LAMA2: variants seen among roughly 807,000 people sequenced by gnomAD.
The protein encoded by LAMA2 is laminin subunit alpha-2.
In LAMA2, 269 loss-of-function variants were observed where a neutral mutation model predicts 364.8. The ratio of observed to expected loss-of-function variants is 0.74; its 90% CI spans 0.67 to 0.82. LAMA2 has a LOEUF of 0.82. LAMA2 is among the 40% of genes least tolerant of loss of function. The probability of loss-of-function intolerance (pLI) is 0.00; values close to 1 mark genes in which losing one functional copy is unlikely to be tolerated. For synonymous variants in LAMA2, 1,379 were observed against 1,370.6 expected (o/e 1.01, Z -0.14); for missense variants, 3,807 against 3,873.2 (o/e 0.98, Z 0.45).
rs1562275875 is a variant in LAMA2, at chr6:129,147,003, C to T, written c.864C>T (p.Ile288=). ...ATATTTCAGTTGGAGGGATGTGCAT[C>T]TGCTATGGTCATGCCAGGGCTTGTC... The part of the protein sequence containing the change: ...VKDISVGGMC[I]CYGHARACPL... Residue 288 remains isoleucine (I), a synonymous_variant, in exon 6 of 65, where the codon ATC becomes ATT. Coordinates refer to ENST00000421865, the MANE Select transcript of LAMA2 (RefSeq NM_000426.4). 6.2e-7 allele frequency: 1 copy of T among 1,612,196 alleles called. No homozygotes were observed. Among genetic ancestry groups the T allele is most frequent in the Non-Finnish European group, 8.5e-7 (1 of 1,178,434 alleles).
At chr6:129,379,915 G>C (rs1227490766) in intron 34 of LAMA2, among the ~76,000 whole-genome samples, 2 of 152,118 alleles carry the variant, frequency 1.3e-5, no homozygotes, top group Non-Finnish European at 2.9e-5. Flanking sequence ...AGGGATCATT[G>C]GTTTGATTGT....
chr6:128,965,850 C>T (rs1331910570), intron 1 of LAMA2, among the ~76,000 whole-genome samples: 4 of 151,758 alleles, frequency 2.6e-5, no homozygotes, highest in Non-Finnish European at 5.9e-5. Context: ...TCTTTTATTC[C>T]AGTTTTCCTT....
chr6:128,996,642 A>T (rs1454816560), intron 1 of LAMA2, among the ~76,000 whole-genome samples: 1 of 152,232 alleles, frequency 6.6e-6, no homozygotes, highest in Non-Finnish European at 1.5e-5. Context: ...GCTGGAGAGG[A>T]TGTGGAGAAA....
rs538535755 is a variant in LAMA2, at chr6:129,093,533, C to T, written c.397-4640C>T. On this transcript the variant is annotated intron_variant, in intron 3 of 64. Transcript: ENST00000421865. ...AGCCATGATGTTCAAGATTGGAAAG[C>T]ATAACTCTATGTGATGATCATTGTC... Among the ~76,000 whole-genome samples, 29 of 152,204 alleles carry T rather than the reference C, an allele frequency of 1.9e-4. No homozygotes were observed. In the South Asian group the frequency reaches 5.4e-3, roughly 28 times the overall value.
At chr6:128,962,184 A>G (rs1445570498) in intron 1 of LAMA2, among the ~76,000 whole-genome samples, 1 of 132,408 alleles carries the variant, frequency 7.6e-6, no homozygotes, top group East Asian at 2.2e-4. Context: ...ATATATATAT[A>G]TACACACATA....
intron 23 of LAMA2, among the ~76,000 whole-genome samples, chr6:129,313,637 G>A (rs1774371744): frequency 1.3e-5 from 2 of 152,148 alleles, no homozygotes; most frequent in African/African-American, 2.4e-5. Context: ...AAATGATGTA[G>A]AAAAAGAGCC....
chr6:129,403,075 T>C (rs374643020), intron 39 of LAMA2, among the ~76,000 whole-genome samples: 83 of 152,330 alleles, frequency 5.4e-4, no homozygotes, highest in African/African-American at 1.9e-3. Context: ...GCCTTCTGTG[T>C]ATAACTGATA....
chr6:129,365,702 A>G (rs1247131186), intron 32 of LAMA2, among the ~76,000 whole-genome samples: 2 of 151,422 alleles, frequency 1.3e-5, no homozygotes, highest in Admixed American at 6.6e-5. Context: ...TCTACTCAAT[A>G]GATACCAAGC....
rs9372912 is a variant in LAMA2, at chr6:128,994,147, C to T, written c.113-55771C>T. Reference sequence around the variant, plus strand: ...CAAAAGGATGGATTAGGAATCTTTGCGGAATTATTACAGACCTGTAGTTTT... The same window carrying T: ...CAAAAGGATGGATTAGGAATCTTTGTGGAATTATTACAGACCTGTAGTTTT... On this transcript the variant is annotated intron_variant, in intron 1 of 64. Transcript: ENST00000421865. Among the ~76,000 whole-genome samples, 163 of 152,228 alleles carry T rather than the reference C, an allele frequency of 1.1e-3. 3 individuals carry two copies. The East Asian group carries it at 0.026, about 24-fold the overall frequency.
At chr6:128,982,488 T>C (rs1265266697) in intron 1 of LAMA2, among the ~76,000 whole-genome samples, 1 of 152,210 alleles carries the variant, frequency 6.6e-6, no homozygotes, top group Non-Finnish European at 1.5e-5. Context: ...AATATGCCAA[T>C]AGGTAGAATG....
At chr6:129,317,753 G>T (rs1324415700) in intron 27 of LAMA2, among the ~76,000 whole-genome samples, 1 of 152,112 alleles carries the variant, frequency 6.6e-6, no homozygotes, top group African/African-American at 2.4e-5. Flanking sequence ...TTTTGCAAAT[G>T]GTTCTGTACT....
chr6:129,168,333 A>T (rs1469810755), intron 9 of LAMA2, among the ~76,000 whole-genome samples: 1 of 150,990 alleles, frequency 6.6e-6, no homozygotes, highest in East Asian at 1.9e-4. Context: ...TCTTGAATTG[A>T]TTTTTGTATA....
intron 55 of LAMA2, among the ~76,000 whole-genome samples, chr6:129,482,719 G>T (rs1784406125): frequency 6.6e-6 from 1 of 152,082 alleles, no homozygotes; most frequent in Non-Finnish European, 1.5e-5. Flanking sequence ...GTATAACCAC[G>T]AGTAACTTGG....
chr6:129,196,544 T>G lies in LAMA2; in HGVS notation c.1782+3691T>G, dbSNP rs138573751. 1.2e-4 allele frequency among the ~76,000 whole-genome samples: 19 copies of G among 152,278 alleles called. No individual in the cohort carries two copies. In the East Asian group the frequency reaches 3.7e-3, roughly 29 times the overall value. ...CTTGCTTTACAAAATAATTAAAAACTCGCTAACAAATATGTTCCACTCTCC... is the reference window on the plus strand; with the variant it reads ...CTTGCTTTACAAAATAATTAAAAACGCGCTAACAAATATGTTCCACTCTCC... On this transcript the variant is annotated intron_variant, in intron 12 of 64. Coordinates refer to ENST00000421865, the MANE Select transcript of LAMA2 (RefSeq NM_000426.4).
At chr6:129,107,162 T>C (rs1775879632) in intron 4 of LAMA2, among the ~76,000 whole-genome samples, 1 of 152,136 alleles carries the variant, frequency 6.6e-6, no homozygotes, top group Non-Finnish European at 1.5e-5. Flanking sequence ...GATTTGGCTT[T>C]CAGGTAGCTC....
chr6:129,370,471 A>G (rs967374256), intron 34 of LAMA2, among the ~76,000 whole-genome samples: 4 of 152,252 alleles, frequency 2.6e-5, no homozygotes, highest in Non-Finnish European at 4.4e-5. Context: ...TTTTAAAGTC[A>G]GAATGTAAAG....
chr6:129,193,895 G>A (rs1312764303), intron 12 of LAMA2, among the ~76,000 whole-genome samples: 1 of 152,052 alleles, frequency 6.6e-6, no homozygotes, highest in East Asian at 1.9e-4. Flanking sequence ...TTGGCTGGTT[G>A]AAACACTTTT....
chr6:129,004,888 A>G (rs894194917), intron 1 of LAMA2, among the ~76,000 whole-genome samples: 6 of 152,078 alleles, frequency 3.9e-5, no homozygotes, highest in African/African-American at 1.2e-4. Flanking sequence ...GGATATATAT[A>G]TAGTTAGGGC....
chr6:129,055,145 C>T (rs1788378415), intron 2 of LAMA2, among the ~76,000 whole-genome samples: 4 of 143,538 alleles, frequency 2.8e-5, no homozygotes, highest in Admixed American at 1.4e-4. Flanking sequence ...CTAAACCAGT[C>T]ACAGTCTGGA....
Sources: allele counts gnomAD v4.1 joint callset (sites outside exome capture counted in the v4.1 genomes callset), GRCh38; gene constraint gnomAD v4.1.1; transcripts MANE v1.5; gene names NCBI Gene and HGNC (gene_info 2026-07-23, HGNC 2026-07-21).